GP6: variants seen among roughly 807,000 people sequenced by gnomAD.
GP6 encodes the protein platelet glycoprotein VI.
GP6 carries 45 observed loss-of-function variants against 37.3 expected under a neutral mutation model. The ratio of observed to expected loss-of-function variants is 1.21; its 90% CI spans 0.95 to 1.55. GP6 has a LOEUF of 1.55. Ranked by LOEUF, GP6 falls within the 40% of genes most tolerant of loss-of-function variation. GP6 has a pLI of 0.00. For missense variants in GP6, 813 were observed against 760.2 expected (o/e 1.07, Z -0.82); for synonymous variants, 340 against 316.4 (o/e 1.07, Z -0.79).
At chr19:55,037,620 A>G (rs1016457108) in intron 1 of GP6, among the ~76,000 whole-genome samples, 3 of 105,322 alleles carry the variant, frequency 2.8e-5, no homozygotes, top group Admixed American at 1.1e-4. Flanking sequence ...CATGGCACTC[A>G]GCCTTTTTTT....
intron 6 of GP6, among the ~76,000 whole-genome samples, chr19:55,017,528 A>T (rs916960429): frequency 2.6e-5 from 4 of 152,110 alleles, no homozygotes; most frequent in African/African-American, 7.2e-5. Flanking sequence ...GGGAAATGGA[A>T]GAAAAGGCAG....
At chr19:55,016,389 T>C (rs1317775785) in intron 6 of GP6, among the ~76,000 whole-genome samples, 1 of 150,352 alleles carries the variant, frequency 6.7e-6, no homozygotes, top group Non-Finnish European at 1.5e-5. Flanking sequence ...TTTTTTTTTT[T>C]TTTTGAGACA....
chr19:55,031,449 A>AT (rs1568634848), intron 3 of GP6, among the ~76,000 whole-genome samples: 1 of 152,116 alleles, frequency 6.6e-6, no homozygotes, highest in South Asian at 2.1e-4. Context: ...CCCATCGCTA[A>AT]TTTTTTTAAG....
chr19:55,017,529 GAAAAGGCAGAGTGAGT>G (rs1568596387), intron 6 of GP6, among the ~76,000 whole-genome samples: 2 of 152,156 alleles, frequency 1.3e-5, no homozygotes, highest in Non-Finnish European at 2.9e-5. Flanking sequence ...GGAAATGGAA[GAAAAGGCAGAGTGAGT>G]GGGTTGGGTG....
chr19:55,015,723 C>T lies in GP6; in HGVS notation c.735G>A (p.Arg245=), dbSNP rs1332102886. 3 of 1,560,272 alleles carry T rather than the reference C, an allele frequency of 1.9e-6. No individual in the cohort carries two copies. Among genetic ancestry groups the T allele is most frequent in the Admixed American group, 3.3e-5 (2 of 59,910 alleles). The stretch of plus-strand genomic sequence containing the variant: ...ACTCCTTTGGACTGGCGGTGATACT[C>T]CTAGAAGTCTCTGGGAACCAAACAA... Residue 245 remains arginine, a synonymous_variant, in exon 7 of 8, where the codon AGG becomes AGA. Transcript: ENST00000310373.
intron 3 of GP6, among the ~76,000 whole-genome samples, chr19:55,030,645 A>G (rs2074525993): frequency 6.6e-6 from 1 of 151,606 alleles, no homozygotes; most frequent in African/African-American, 2.4e-5. Context: ...GCCCGGCCCA[A>G]CCTCTTCTCT....
At chr19:55,034,150 A>ATATGTGTGTG (rs2074729186) in intron 1 of GP6, among the ~76,000 whole-genome samples, 1 of 149,158 alleles carries the variant, frequency 6.7e-6, no homozygotes, top group Non-Finnish European at 1.5e-5. Context: ...ATATGTATGC[A>ATATGTGTGTG]TGTGTGTGTG....
At chr19:55,015,544 C>T in intron 7 of GP6, 139 bp downstream of exon 7, 1 of 710,814 alleles carries the variant, frequency 1.4e-6, no homozygotes, top group Non-Finnish European at 2.6e-6. Flanking sequence ...TTCTGAACCC[C>T]ATACGCTGAT....
At chr19:55,037,623 CTTT>C (rs1179101360) in intron 1 of GP6, among the ~76,000 whole-genome samples, 368 of 50,380 alleles carry the variant, frequency 7.3e-3, no homozygotes, top group Non-Finnish European at 0.011. Context: ...GGCACTCAGC[CTTT>C]TTTTTTTTTT....
intron 3 of GP6, among the ~76,000 whole-genome samples, chr19:55,029,094 AAGAAAG>A (rs1449361722): frequency 8.9e-6 from 1 of 111,884 alleles, no homozygotes; most frequent in Non-Finnish European, 2.4e-5. Flanking sequence ...AAGAAAAAGA[AAGAAAG>A]AGGAAGGAAG....
At chr19:55,020,401 T>C (rs1216444431) in intron 5 of GP6, among the ~76,000 whole-genome samples, 2 of 152,010 alleles carry the variant, frequency 1.3e-5, no homozygotes, top group Non-Finnish European at 2.9e-5. Context: ...CCCCAGTGTG[T>C]GGTGTTCCCC....
Position 55,015,048 on chromosome 19 carries a change from A to AG in GP6, c.896dup (p.Ala300CysfsTer20), listed in dbSNP as rs752850718. 2 of 1,608,770 alleles carry AG rather than the reference A, an allele frequency of 1.2e-6. No individual in the cohort carries two copies. The highest frequency in any genetic ancestry group is 2.2e-5 in the South Asian group (2 of 90,056). On this transcript the variant is annotated frameshift_variant, in exon 8 of 8. Transcript: ENST00000310373. LOFTEE classifies it low-confidence loss of function (END_TRUNC). ...CTGCACAGCCCTGCCCCTGTGCCGC[A>AG]GGCGCTTCCTCCGGCTGTGCCAGTC...
chr19:55,018,937 C>G (rs992052329), intron 5 of GP6: 4 of 599,998 alleles, frequency 6.7e-6, no homozygotes, highest in Non-Finnish European at 1.2e-5. Context: ...TTTTTTTCCA[C>G]GTTTTGCTGT....
intron 5 of GP6, among the ~76,000 whole-genome samples, chr19:55,024,358 A>ACG (rs1568613604): frequency 3.7e-4 from 28 of 76,278 alleles, no homozygotes; most frequent in East Asian, 7.8e-4. Context: ...GCACGCACAC[A>ACG]CACATATGCA....
intron 3 of GP6, among the ~76,000 whole-genome samples, chr19:55,030,464 G>A (rs1461348102): frequency 6.6e-6 from 1 of 152,072 alleles, no homozygotes. Flanking sequence ...TCAGCCTCCG[G>A]AGTAGCTGGG....
At chr19:55,019,879 C>T (rs145627454) in intron 5 of GP6, among the ~76,000 whole-genome samples, 18,978 of 151,838 alleles carry the variant, frequency 0.12, 1,438 homozygotes, top group Middle Eastern at 0.27. Flanking sequence ...GGGGTTTCAC[C>T]GTGTTAGCCA....
chr19:55,034,084 G>GTGTATA (rs2074718341), intron 1 of GP6, among the ~76,000 whole-genome samples: 1 of 151,662 alleles, frequency 6.6e-6, no homozygotes, highest in Non-Finnish European at 1.5e-5. Flanking sequence ...ATACATACAT[G>GTGTATA]TGTATGTACA....
In GP6 at chr19:55,032,183, C is replaced by T. The variant is rs936938328; in HGVS notation, c.281G>A (p.Ser94Asn). Reference sequence around the variant, plus strand: ...CTGGTCGCTGGGCAGGGACCAGAGGCTTCCGTTCTGGTAGGAGCAGCGGTA... The same window carrying T: ...CTGGTCGCTGGGCAGGGACCAGAGGTTTCCGTTCTGGTAGGAGCAGCGGTA... The change falls in exon 3 of 8, where the codon AGC (serine) becomes AAC (asparagine). Residue 94 changes from serine to asparagine, a missense_variant. Transcript: ENST00000310373. The T allele has an allele frequency of 6.8e-6, 11 of 1,613,798 alleles. No homozygotes were observed. The African/African-American group carries it at 1.5e-4, about 22-fold the overall frequency.
chr19:55,031,128 G>A (rs916091865), intron 3 of GP6, among the ~76,000 whole-genome samples: 1 of 152,198 alleles, frequency 6.6e-6, no homozygotes, highest in African/African-American at 2.4e-5. Flanking sequence ...GATTACAGGT[G>A]TAAACCACTG....
Sources: gnomAD v4.1 joint callset for allele counts (sites outside exome capture counted in the v4.1 genomes callset) on GRCh38, gnomAD v4.1.1 for gene constraint, MANE v1.5 for transcripts, NCBI Gene and HGNC (gene_info 2026-07-23, HGNC 2026-07-21) for gene names.